Variants in MID1 observed in about 807,000 individuals in gnomAD.
MID1 encodes the protein midline 1.
A neutral mutation model predicts 40.4 loss-of-function variants in MID1; 7 were observed. That is an observed-to-expected ratio of 0.17 (90% CI 0.10 to 0.33). MID1 has a LOEUF of 0.33. Among genes scored for constraint, MID1 ranks in the 10% least tolerant of loss-of-function variants. The pLI is 1.00. For synonymous variants in MID1, 229 were observed against 221.2 expected (o/e 1.04, Z -0.31); for missense variants, 367 against 558.5 (o/e 0.66, Z 3.46).
intron 1 of MID1, among the ~76,000 whole-genome samples, chrX:10,665,300 A>C (rs984490481): frequency 1.8e-5 from 2 of 111,966 alleles, no homozygotes; most frequent in African/African-American, 3.3e-5. Context: ...CTAGACAGAG[A>C]TTGATACAGA....
intron 2 of MID1, 85 bp downstream of exon 2, chrX:10,566,803 G>T: frequency 9.7e-7 from 1 of 1,027,936 alleles, no homozygotes; most frequent in Non-Finnish European, 1.4e-6. Flanking sequence ...ACCTTCACCT[G>T]CCATGTAGCT....
chrX:10,523,174 C>T lies in MID1; in HGVS notation c.674G>A (p.Ser225Asn), dbSNP rs763101201. The T allele has an allele frequency of 8.7e-7, 1 of 1,150,884 alleles. No homozygotes were observed. Among genetic ancestry groups the T allele is most frequent in the South Asian group, 1.9e-5 (1 of 53,282 alleles). 94.8% of individuals were successfully genotyped at this position (1,150,884 alleles called of 1,213,427 possible). The stretch of plus-strand genomic sequence containing the variant: ...CCTCTTAATAAGGTTGGTGAGGTTA[C>T]TCTCTAAGTTTTGCTGTTCAAAAAA... ...RYDKLKQNLE[S>N]NLTNLIKRNT... Residue 225 changes from serine to asparagine, a missense_variant, in exon 3 of 10, where the codon AGT (serine) becomes AAT (asparagine). Physicochemically the swap from Ser to Asn is conservative, Grantham distance 46. This residue lies in a region of MID1 where 275 missense variants were observed against 383.1 expected (regional missense o/e 0.72). Coordinates refer to ENST00000317552, the MANE Select transcript of MID1 (RefSeq NM_000381.4).
At chrX:10,660,550 G>A (rs2042903818) in intron 1 of MID1, among the ~76,000 whole-genome samples, 1 of 112,388 alleles carries the variant, frequency 8.9e-6, no homozygotes, top group Admixed American at 9.4e-5. Flanking sequence ...CGATTCTGCA[G>A]GGGAAAAAGA....
chrX:10,581,486 A>T (rs1442800935), intron 1 of MID1, among the ~76,000 whole-genome samples: 3 of 111,425 alleles, frequency 2.7e-5, no homozygotes, highest in Non-Finnish European at 5.7e-5. Context: ...TGAACTTTTT[A>T]AAATGCCTGA....
intron 3 of MID1, among the ~76,000 whole-genome samples, chrX:10,504,988 A>C (rs945882321): frequency 9.0e-6 from 1 of 111,641 alleles, no homozygotes; most frequent in African/African-American, 3.3e-5. Flanking sequence ...AAAATCATGG[A>C]CTTTATATTC....
At chrX:10,792,721 C>T in intron 1 of MID1, among the ~76,000 whole-genome samples, 1 of 111,338 alleles carries the variant, frequency 9.0e-6, no homozygotes, top group East Asian at 2.8e-4. Flanking sequence ...TTAGTGGTTG[C>T]CAGGGGCTAG....
At chrX:10,577,809 G>A (rs1934912256) in intron 1 of MID1, among the ~76,000 whole-genome samples, 1 of 105,950 alleles carries the variant, frequency 9.4e-6, no homozygotes, top group Admixed American at 1.0e-4. Flanking sequence ...GGAGGAAGGG[G>A]AAGTAGTCTT....
intron 7 of MID1, among the ~76,000 whole-genome samples, chrX:10,465,388 A>C (rs7881156): frequency 0.059 from 6,389 of 107,896 alleles, 389 homozygotes; most frequent in African/African-American, 0.18. Flanking sequence ...GTGTAATATT[A>C]TCTCCTTAGT....
intron 1 of MID1, among the ~76,000 whole-genome samples, chrX:10,707,286 T>G (rs2043237823): frequency 9.0e-6 from 1 of 111,634 alleles, no homozygotes. Context: ...GTTCTTGCCT[T>G]CACCGCGGAA....
chrX:10,766,031 A>T (rs2043726447), intron 1 of MID1, among the ~76,000 whole-genome samples: 2 of 111,502 alleles, frequency 1.8e-5, no homozygotes, highest in South Asian at 7.6e-4. Flanking sequence ...ATGAAGCTCA[A>T]ATCTCAGAAA....
chrX:10,659,874 A>G (rs1446621039), intron 1 of MID1, among the ~76,000 whole-genome samples: 1 of 112,098 alleles, frequency 8.9e-6, no homozygotes, highest in African/African-American at 3.2e-5. Context: ...GTACATGCAC[A>G]TGTTGTGATG....
rs370865032 is a variant in MID1 at position 10,822,009 on chromosome X, AT to A, written c.-187+11544del. On this transcript the variant is annotated intron_variant, in intron 1 of 10. Transcript: ENST00000380785. ...ATCTCTTGCTGATCTTTTTTTTCTC[AT>A]TTTTTTTTCTTTTCTTTTCTCCCCT... 3.4e-4 allele frequency among the ~76,000 whole-genome samples: 36 copies of A among 104,663 alleles called. No homozygotes were observed. In the South Asian group the frequency reaches 7.1e-3, roughly 21 times the overall value. 90.9% of individuals were successfully genotyped at this position (104,663 alleles called of 115,157 possible). A position where few individuals can be genotyped will look rare whatever the true frequency, so the allele number is the denominator to read the frequency against.
chrX:10,603,999 T>C (rs906327843), intron 1 of MID1, among the ~76,000 whole-genome samples: 37 of 111,860 alleles, frequency 3.3e-4, no homozygotes, highest in African/African-American at 1.1e-3. Context: ...TCCCAAAGAT[T>C]GGTGCACTTT....
At chrX:10,763,926 G>A (rs779743207) in intron 1 of MID1, among the ~76,000 whole-genome samples, 2 of 112,119 alleles carry the variant, frequency 1.8e-5, no homozygotes, top group East Asian at 2.8e-4. Flanking sequence ...GTGATGATGA[G>A]CATTTTTTCA....
At chrX:10,595,801 G>A (rs1312186636) in intron 1 of MID1, among the ~76,000 whole-genome samples, 2 of 111,545 alleles carry the variant, frequency 1.8e-5, no homozygotes, top group Non-Finnish European at 3.8e-5. Context: ...AAGACAGCTA[G>A]AAGAGAATAT....
intron 1 of MID1, among the ~76,000 whole-genome samples, chrX:10,801,682 A>G (rs780225857): frequency 3.7e-4 from 41 of 112,300 alleles, no homozygotes; most frequent in Admixed American, 1.0e-3. Context: ...ACCTTTCATC[A>G]TACACAAAAA....
chrX:10,687,007 G>C (rs1430802912), intron 1 of MID1, among the ~76,000 whole-genome samples: 1 of 111,471 alleles, frequency 9.0e-6, no homozygotes, highest in Non-Finnish European at 1.9e-5. Context: ...TCCTTCCTTG[G>C]AAGGGGATCT....
At chrX:10,687,181 T>C (rs985725143) in intron 1 of MID1, among the ~76,000 whole-genome samples, 5 of 111,823 alleles carry the variant, frequency 4.5e-5, no homozygotes, top group African/African-American at 1.6e-4. Context: ...CCAAGTAACA[T>C]AGTTGGGCCA....
At chrX:10,659,069 T>C (rs16986210) in intron 1 of MID1, among the ~76,000 whole-genome samples, 1,643 of 111,720 alleles carry the variant, frequency 0.015, 27 homozygotes, top group African/African-American at 0.047. Flanking sequence ...TTACAGTCTT[T>C]GGAGCACAAA....
Sources: allele counts gnomAD v4.1 joint callset (sites outside exome capture counted in the v4.1 genomes callset), GRCh38; gene constraint gnomAD v4.1.1; regional missense constraint gnomAD v4.1.1; transcripts MANE v1.5; gene names NCBI Gene and HGNC (gene_info 2026-07-23, HGNC 2026-07-21).